Variants in CTNNA2 observed in about 807,000 individuals in gnomAD.
CTNNA2 encodes the protein catenin alpha 2, also known as catenin alpha-2.
In CTNNA2, 42 loss-of-function variants were observed where a neutral mutation model predicts 101.0. The observed-to-expected ratio is 0.42, with a 90% CI of 0.32 to 0.54. CTNNA2 has a LOEUF of 0.54. Ranked by LOEUF, CTNNA2 falls within the 20% of genes least tolerant of loss-of-function variation. The probability of loss-of-function intolerance (pLI) is 0.14; values close to 1 mark genes in which losing one functional copy is unlikely to be tolerated. For missense variants in CTNNA2, 871 were observed against 1,223.1 expected, an observed-to-expected ratio of 0.71 and a Z score of 4.29; for synonymous variants, 450 against 456.4, an observed-to-expected ratio of 0.99 and a Z score of 0.18.
At chr2:79,943,166 G>T (rs116174675) in intron 7 of CTNNA2, among the ~76,000 whole-genome samples, 2,051 of 152,094 alleles carry the variant, frequency 0.013, 52 homozygotes, top group African/African-American at 0.048. Context: ...GCAGTGAGCC[G>T]AAATCACGCA....
chr2:79,704,933 C>T (rs545007011), intron 2 of CTNNA2, among the ~76,000 whole-genome samples: 14 of 141,378 alleles, frequency 9.9e-5, no homozygotes, highest in African/African-American at 3.4e-4. Context: ...TTCTGATGCT[C>T]GAAAGTATGG....
chr2:80,263,864 C>G (rs1369852677), intron 7 of CTNNA2, among the ~76,000 whole-genome samples: 1 of 152,208 alleles, frequency 6.6e-6, no homozygotes, highest in African/African-American at 2.4e-5. Flanking sequence ...TGAATGTCTT[C>G]CAGAGCAACC....
chr2:79,189,067 A>T (rs1399366077), intron 1 of CTNNA2, among the ~76,000 whole-genome samples: 1 of 152,184 alleles, frequency 6.6e-6, no homozygotes, highest in Non-Finnish European at 1.5e-5. Flanking sequence ...TTCTGTGAGT[A>T]TCTAGGTGTT....
chr2:80,529,939 C>T (rs1347882104), intron 9 of CTNNA2, among the ~76,000 whole-genome samples: 2 of 152,108 alleles, frequency 1.3e-5, no homozygotes, highest in Admixed American at 1.3e-4. Context: ...TGGCCTGCTC[C>T]TACGGGTGTT....
intron 15 of CTNNA2, among the ~76,000 whole-genome samples, chr2:80,593,715 T>C (rs190844205): frequency 2.6e-5 from 4 of 152,326 alleles, no homozygotes; most frequent in African/African-American, 9.6e-5. Context: ...ATCAGTTGAG[T>C]CACACAATAT....
intron 7 of CTNNA2, among the ~76,000 whole-genome samples, chr2:80,284,036 C>A (rs974563730): frequency 1.8e-4 from 28 of 152,254 alleles, no homozygotes; most frequent in African/African-American, 6.7e-4. Flanking sequence ...CCATTCATGG[C>A]AATCCAAGTG....
chr2:79,267,024 C>G (rs1674995654), intron 2 of CTNNA2, among the ~76,000 whole-genome samples: 1 of 152,056 alleles, frequency 6.6e-6, no homozygotes, highest in Non-Finnish European at 1.5e-5. Flanking sequence ...CTCAGCAAGT[C>G]TCGTATGCTA....
chr2:79,968,961 C>T (rs1279650022), intron 7 of CTNNA2, among the ~76,000 whole-genome samples: 2 of 151,840 alleles, frequency 1.3e-5, no homozygotes, highest in African/African-American at 2.4e-5. Flanking sequence ...TCACATTTTT[C>T]GTCTTAATAG....
At chr2:79,594,145 C>T (rs1160531106) in intron 1 of CTNNA2, among the ~76,000 whole-genome samples, 1 of 152,058 alleles carries the variant, frequency 6.6e-6, no homozygotes, top group African/African-American at 2.4e-5. Context: ...ACCTCGGCCT[C>T]CCAAAGTGCT....
chr2:80,562,790 T>C (rs1693721324), intron 12 of CTNNA2, among the ~76,000 whole-genome samples: 1 of 152,184 alleles, frequency 6.6e-6, no homozygotes, highest in Non-Finnish European at 1.5e-5. Context: ...CTGACTATAT[T>C]TTTAGGTTAA....
intron 3 of CTNNA2, among the ~76,000 whole-genome samples, chr2:79,857,720 CA>C (rs1681249501): frequency 6.6e-6 from 1 of 152,144 alleles, no homozygotes; most frequent in Admixed American, 6.5e-5. Flanking sequence ...AAGCTCAAGG[CA>C]AATCCATCTC....
intron 3 of CTNNA2, among the ~76,000 whole-genome samples, chr2:79,765,667 A>G (rs1322362951): frequency 1.3e-5 from 2 of 152,170 alleles, no homozygotes; most frequent in African/African-American, 2.4e-5. Context: ...TTAGCTGAGA[A>G]TCACATTTTC....
chr2:79,460,006 G>A (rs1490959831), intron 4 of CTNNA2, among the ~76,000 whole-genome samples: 2 of 151,932 alleles, frequency 1.3e-5, no homozygotes, highest in East Asian at 3.9e-4. Context: ...TTTTTCTACT[G>A]TTGTATCCTG....
rs570481494 is a variant in CTNNA2 at position 80,267,656 on chromosome 2, C to T, written c.1057-125555C>T. Among the ~76,000 whole-genome samples, 93 of 152,280 alleles carry T rather than the reference C, an allele frequency of 6.1e-4. 1 individual carries two copies. Among genetic ancestry groups the T allele is most frequent in the Admixed American group, 2.2e-3 (34 of 15,302 alleles). ...TAAATGAGAACATAAAAAAAGGGTT[C>T]CTGGGCTGGTCTGGGGACCTGGAAA... On this transcript the variant is annotated intron_variant, in intron 7 of 18. Transcript: ENST00000402739.
At chr2:79,419,498 G>C (rs971643009) in intron 4 of CTNNA2, among the ~76,000 whole-genome samples, 2 of 152,062 alleles carry the variant, frequency 1.3e-5, no homozygotes, top group Non-Finnish European at 2.9e-5. Flanking sequence ...GAGAGGATGA[G>C]AAGGTATAGG....
intron 3 of CTNNA2, among the ~76,000 whole-genome samples, chr2:79,830,918 G>A (rs899463570): frequency 6.6e-6 from 1 of 152,112 alleles, no homozygotes; most frequent in Non-Finnish European, 1.5e-5. Flanking sequence ...TGTAGGACGT[G>A]TATATTATGA....
intron 2 of CTNNA2, among the ~76,000 whole-genome samples, chr2:79,234,485 C>T (rs934251743): frequency 6.6e-6 from 1 of 152,090 alleles, no homozygotes; most frequent in Non-Finnish European, 1.5e-5. Context: ...TTTGCCTTGA[C>T]TTTGATGAAT....
chr2:79,829,422 A>ACACACACACAC lies in CTNNA2; in HGVS notation c.299-28591_299-28590insCACACACACAC, dbSNP rs1553376366. The stretch of plus-strand genomic sequence containing the variant: ...ACACACACACACACACACAGACACA[A>ACACACACACAC]AGCCGGGCGAGATGGCGGGCGCCTG... On this transcript the variant is annotated intron_variant, in intron 3 of 18. Coordinates refer to ENST00000402739, the MANE Select transcript of CTNNA2 (RefSeq NM_001282597.3). Among the ~76,000 whole-genome samples the ACACACACACAC allele has an allele frequency of 5.6e-5, 7 of 123,976 alleles. No homozygotes were observed. The East Asian group carries it at 8.1e-4, about 14-fold the overall frequency. 81.3% of individuals were successfully genotyped at this position (123,976 alleles called of 152,430 possible).
intron 2 of CTNNA2, among the ~76,000 whole-genome samples, chr2:79,241,946 C>T (rs1308557275): frequency 1.3e-5 from 2 of 151,758 alleles, no homozygotes; most frequent in Non-Finnish European, 2.9e-5. Flanking sequence ...TGCTCAGTCA[C>T]CCAGGCTGGA....
Sources: gnomAD v4.1 joint callset for allele counts (sites outside exome capture counted in the v4.1 genomes callset) on GRCh38, gnomAD v4.1.1 for gene constraint, MANE v1.5 for transcripts, NCBI Gene and HGNC (gene_info 2026-07-23, HGNC 2026-07-21) for gene names.